Variants in FAAH2 observed in about 807,000 individuals in gnomAD.
FAAH2 encodes the protein fatty-acid amide hydrolase 2.
FAAH2 carries 60 observed loss-of-function variants against 36.9 expected under a neutral mutation model. That is an observed-to-expected ratio of 1.63 (90% CI 1.32 to 2.02). The LOEUF (loss-of-function observed/expected upper bound fraction) is 2.02, where lower values mean the gene tolerates loss of function less well. Among genes scored for constraint, FAAH2 ranks in the 30% most tolerant of loss-of-function variants. The pLI is 0.00. For synonymous variants in FAAH2, 214 were observed against 143.8 expected (o/e 1.49, Z -3.49); for missense variants, 689 against 397.5 (o/e 1.73, Z -6.23).
chrX:57,384,872 A>G (rs1222196273), intron 7 of FAAH2, among the ~76,000 whole-genome samples: 1 of 111,279 alleles, frequency 9.0e-6, no homozygotes. Context: ...AAAGACTTGG[A>G]ACCAACCCAA....
the FAAH2 span, among the ~76,000 whole-genome samples, chrX:57,166,579 G>A: frequency 1.8e-5 from 2 of 112,422 alleles, no homozygotes; most frequent in Non-Finnish European, 3.8e-5. Flanking sequence ...ATGGTATTAT[G>A]TGAAGCTGTG....
At chrX:57,485,355 G>A (rs1303059508) in intron 10 of FAAH2, among the ~76,000 whole-genome samples, 1 of 111,358 alleles carries the variant, frequency 9.0e-6, no homozygotes, top group Non-Finnish European at 1.9e-5. Context: ...CATGGCCACA[G>A]TCTTCAAGCA....
In FAAH2 at chrX:57,378,707, C is replaced by T; in HGVS notation, c.799C>T (p.Leu267=). ...PLAVGAQELF[L]CTGPMCRYAE... ...GGCTGTGGGAGCCCAGGAGTTGTTT[C>T]TGTGCACTGGTCCTATGTGCCGTTA... The change falls in exon 6 of 11, where the codon CTG becomes TTG. Residue 267 remains leucine (L), a synonymous_variant. Transcript: ENST00000374900. 2 of 1,211,115 alleles carry T rather than the reference C, an allele frequency of 1.7e-6. No homozygotes were observed. The highest frequency in any genetic ancestry group is 2.2e-6 in the Non-Finnish European group (2 of 895,184).
chrX:57,294,520 T>G (rs1385200990), intron 2 of FAAH2, among the ~76,000 whole-genome samples: 1 of 111,999 alleles, frequency 8.9e-6, no homozygotes, highest in African/African-American at 3.2e-5. Flanking sequence ...CAAATCTATC[T>G]TCTAACTCTA....
At chrX:57,241,331 A>C in the FAAH2 span, among the ~76,000 whole-genome samples, 3 of 112,425 alleles carry the variant, frequency 2.7e-5, no homozygotes, top group Non-Finnish European at 3.8e-5. Flanking sequence ...TTGCAACAAA[A>C]GCAAAAATCA....
the FAAH2 span, among the ~76,000 whole-genome samples, chrX:57,152,671 C>A: frequency 8.9e-6 from 1 of 111,907 alleles, no homozygotes; most frequent in Admixed American, 9.4e-5. Context: ...CATCTGTCAC[C>A]CCTTTCTTTG....
chrX:57,443,257 G>A (rs951202079), intron 8 of FAAH2, among the ~76,000 whole-genome samples: 3 of 111,834 alleles, frequency 2.7e-5, no homozygotes, highest in Admixed American at 9.5e-5. Context: ...CCAATCAGAT[G>A]TAGATTTGGT....
At chrX:57,464,383 C>T (rs1369094329) in intron 10 of FAAH2, among the ~76,000 whole-genome samples, 2 of 110,202 alleles carry the variant, frequency 1.8e-5, no homozygotes, top group African/African-American at 6.6e-5. Flanking sequence ...TGTAACAAAC[C>T]TGCACATTCA....
chrX:57,445,569 A>C (rs1384331372), intron 8 of FAAH2, among the ~76,000 whole-genome samples: 1 of 111,741 alleles, frequency 8.9e-6, no homozygotes, highest in Non-Finnish European at 1.9e-5. Context: ...TGGGTTCTTC[A>C]CTTCAGGACA....
chrX:57,463,087 A>T (rs1007927314), intron 10 of FAAH2, among the ~76,000 whole-genome samples: 2 of 111,660 alleles, frequency 1.8e-5, no homozygotes, highest in East Asian at 2.8e-4. Context: ...AAAACCCAGG[A>T]ATACAACTTA....
intron 7 of FAAH2, among the ~76,000 whole-genome samples, chrX:57,401,674 ACT>A: frequency 9.0e-6 from 1 of 111,279 alleles, no homozygotes. Context: ...CTAAGGGGGT[ACT>A]GCCTTTGGTA....
the FAAH2 span, among the ~76,000 whole-genome samples, chrX:57,271,499 A>G: frequency 1.4e-3 from 152 of 112,237 alleles, no homozygotes; most frequent in African/African-American, 4.7e-3. Context: ...GCCAACAGAC[A>G]TCTCTTACAG....
chrX:57,256,920 C>T, the FAAH2 span, among the ~76,000 whole-genome samples: 17 of 111,966 alleles, frequency 1.5e-4, no homozygotes, highest in African/African-American at 3.2e-4. Flanking sequence ...GAAATTTATG[C>T]GGCCAACAGA....
intron 7 of FAAH2, among the ~76,000 whole-genome samples, chrX:57,420,814 T>A (rs1178099728): frequency 9.1e-6 from 1 of 110,450 alleles, no homozygotes. Flanking sequence ...TCAAAGGGAA[T>A]GCTTCCAGTT....
At chrX:57,402,432 A>T (rs1293011439) in intron 7 of FAAH2, among the ~76,000 whole-genome samples, 1 of 111,364 alleles carries the variant, frequency 9.0e-6, no homozygotes, top group Non-Finnish European at 1.9e-5. Context: ...TTCTTATCTC[A>T]TTGGTCCTGT....
At chrX:57,224,586 G>A in the FAAH2 span, among the ~76,000 whole-genome samples, 11 of 111,753 alleles carry the variant, frequency 9.8e-5, no homozygotes, top group Non-Finnish European at 1.9e-4. Flanking sequence ...AGCATGAAAA[G>A]GGCCGGCCAG....
chrX:57,241,208 G>A, the FAAH2 span, among the ~76,000 whole-genome samples: 3 of 112,188 alleles, frequency 2.7e-5, no homozygotes, highest in Non-Finnish European at 5.6e-5. Context: ...AATCAAGATG[G>A]ATTAAAGATG....
the FAAH2 span, among the ~76,000 whole-genome samples, chrX:57,123,806 G>T: frequency 1.8e-5 from 2 of 112,376 alleles, no homozygotes; most frequent in Non-Finnish European, 3.8e-5. Flanking sequence ...GTCTTCTTTT[G>T]AGAAGTGTCT....
chrX:57,420,404 G>A (rs1051536417), intron 7 of FAAH2, among the ~76,000 whole-genome samples: 1 of 111,390 alleles, frequency 9.0e-6, no homozygotes, highest in Non-Finnish European at 1.9e-5. Flanking sequence ...CTTGAGCAGT[G>A]GTTCGTAGTT....
Sources: allele counts gnomAD v4.1 joint callset (sites outside exome capture counted in the v4.1 genomes callset), GRCh38; gene constraint gnomAD v4.1.1; transcripts MANE v1.5; gene names NCBI Gene and HGNC (gene_info 2026-07-23, HGNC 2026-07-21).